Variants in PTPRD observed in about 807,000 individuals in gnomAD.
The protein encoded by PTPRD is protein tyrosine phosphatase receptor type D.
In PTPRD, 34 loss-of-function variants were observed where a neutral mutation model predicts 214.5. That is an observed-to-expected ratio of 0.16 (90% CI 0.12 to 0.21). The LOEUF (loss-of-function observed/expected upper bound fraction) is 0.21, where lower values mean the gene tolerates loss of function less well. PTPRD is among the 10% of genes least tolerant of loss of function. The pLI, the probability that PTPRD is intolerant of heterozygous loss-of-function variation, is 1.00. For missense variants in PTPRD, 2,545 were observed against 2,398.7 expected (o/e 1.06, Z -1.27); for synonymous variants, 1,128 against 845.7 (o/e 1.33, Z -5.79).
chr9:8,712,406 T>C (rs888729900), intron 12 of PTPRD, among the ~76,000 whole-genome samples: 15 of 152,132 alleles, frequency 9.9e-5, no homozygotes, highest in African/African-American at 3.4e-4. Flanking sequence ...TGAAAGGTTT[T>C]GTAAAAACTT....
intron 8 of PTPRD, among the ~76,000 whole-genome samples, chr9:9,432,047 TATAATA>T (rs373767588): frequency 0.11 from 15,094 of 138,244 alleles, 846 homozygotes; most frequent in African/African-American, 0.15. Context: ...GAACTTAAAG[TATAATA>T]ATAATAATAA....
chr9:9,620,999 G>A (rs1490249614), intron 7 of PTPRD, among the ~76,000 whole-genome samples: 4 of 152,166 alleles, frequency 2.6e-5, no homozygotes, highest in South Asian at 2.1e-4. Context: ...AGTGTTTGAT[G>A]TAAGACCCAA....
Position 8,346,205 on chromosome 9 carries a change from C to G in PTPRD, c.4662-4227G>C, listed in dbSNP as rs1321725154. 3.3e-5 allele frequency among the ~76,000 whole-genome samples: 5 copies of G among 151,792 alleles called. No homozygotes were observed. In the East Asian group the frequency reaches 9.7e-4, roughly 29 times the overall value. On this transcript the variant is annotated intron_variant, in intron 39 of 45. Transcript: ENST00000381196. ...AATAAATTATAAATTGTTATGTATT[C>G]AAACTCCACGATTATCTTCAACTCC...
At chr9:9,856,048 T>C (rs117978721) in intron 5 of PTPRD, among the ~76,000 whole-genome samples, 12 of 152,302 alleles carry the variant, frequency 7.9e-5, no homozygotes, top group Non-Finnish European at 1.5e-4. Context: ...GGGGATTTTA[T>C]TGCTGATGAA....
At chr9:9,246,554 C>A (rs575895680) in intron 9 of PTPRD, among the ~76,000 whole-genome samples, 1 of 152,166 alleles carries the variant, frequency 6.6e-6, no homozygotes, top group South Asian at 2.1e-4. Flanking sequence ...ACTGGCTATC[C>A]CCCAGACTCA....
At chr9:9,810,536 TG>T (rs533313794) in intron 5 of PTPRD, among the ~76,000 whole-genome samples, 3 of 151,716 alleles carry the variant, frequency 2.0e-5, no homozygotes, top group African/African-American at 7.3e-5. Context: ...CAACAAAGAC[TG>T]GATGACAGCA....
At chr9:9,868,958 T>C (rs1464809903) in intron 5 of PTPRD, among the ~76,000 whole-genome samples, 2 of 151,988 alleles carry the variant, frequency 1.3e-5, no homozygotes, top group African/African-American at 4.8e-5. Context: ...TATTTGCAAA[T>C]ATACAAGGAT....
intron 6 of PTPRD, among the ~76,000 whole-genome samples, chr9:9,734,931 T>C (rs1310897743): frequency 6.6e-6 from 1 of 152,094 alleles, no homozygotes; most frequent in African/African-American, 2.4e-5. Flanking sequence ...AATTTAATGT[T>C]TTTATGGGAG....
At chr9:9,437,242 A>G (rs1191146253) in intron 8 of PTPRD, among the ~76,000 whole-genome samples, 1 of 152,168 alleles carries the variant, frequency 6.6e-6, no homozygotes, top group Non-Finnish European at 1.5e-5. Flanking sequence ...ATAACTAAAG[A>G]TGGCTCTTTG....
intron 9 of PTPRD, among the ~76,000 whole-genome samples, chr9:9,375,875 G>A (rs1056214272): frequency 1.1e-4 from 16 of 152,106 alleles, no homozygotes; most frequent in Non-Finnish European, 2.1e-4. Flanking sequence ...GATGATGGTT[G>A]CACAGTGTTA....
intron 5 of PTPRD, among the ~76,000 whole-genome samples, chr9:9,892,730 T>C (rs2073780881): frequency 6.8e-6 from 1 of 147,952 alleles, no homozygotes; most frequent in South Asian, 2.1e-4. Context: ...TAGGAGCCCA[T>C]TATAATAACG....
rs1425788544 is a variant in PTPRD at position 10,340,362 on chromosome 9, A to T, written c.-545+601T>A. ...CAGGGTCAACCCAAGTGGATCTGTC[A>T]CGATTTAGTTTTCTCTTAGCACCTT... On this transcript the variant is annotated intron_variant, in intron 3 of 45. Coordinates refer to ENST00000381196, the MANE Select transcript of PTPRD (RefSeq NM_002839.4). Among the ~76,000 whole-genome samples, 4 of 151,892 alleles carry T rather than the reference A, an allele frequency of 2.6e-5. No individual in the cohort carries two copies. In the East Asian group the frequency reaches 7.8e-4, roughly 29 times the overall value.
At position 9,787,209 on chromosome 9, in the gene PTPRD, A is replaced by C. The variant is rs528143521; in HGVS notation, c.-367-20358T>G. 2.0e-5 allele frequency among the ~76,000 whole-genome samples: 3 copies of C among 152,078 alleles called. No individual in the cohort carries two copies. The South Asian group carries it at 6.2e-4, about 32-fold the overall frequency. ...TTTCTCATTTAACTAGATTTTATAA[A>C]ATATTTCATTAAAAAAAAAAGAACA... On this transcript the variant is annotated intron_variant, in intron 5 of 45. Coordinates refer to ENST00000381196, the MANE Select transcript of PTPRD (RefSeq NM_002839.4).
chr9:9,159,706 C>T (rs573536536), intron 10 of PTPRD, among the ~76,000 whole-genome samples: 11 of 151,972 alleles, frequency 7.2e-5, no homozygotes, highest in African/African-American at 1.7e-4. Context: ...AAAAAACCTC[C>T]GAAATCCTTA....
chr9:8,932,704 A>T (rs7033296), intron 11 of PTPRD, among the ~76,000 whole-genome samples: 118,479 of 152,050 alleles, frequency 0.78, 46,641 homozygotes, highest in East Asian at 0.92. Flanking sequence ...ACCTCAGTAA[A>T]GGTGGACCCC....
At chr9:9,028,285 T>C (rs324496) in intron 10 of PTPRD, among the ~76,000 whole-genome samples, 69,180 of 151,810 alleles carry the variant, frequency 0.46, 16,044 homozygotes, top group Non-Finnish European at 0.49. Context: ...CGTAATACTA[T>C]TATGCTCACC....
chr9:9,105,216 C>G (rs1048582075), intron 10 of PTPRD, among the ~76,000 whole-genome samples: 1 of 152,264 alleles, frequency 6.6e-6, no homozygotes, highest in Non-Finnish European at 1.5e-5. Context: ...TCAAGGTCAT[C>G]CAGCTCTTGA....
intron 2 of PTPRD, among the ~76,000 whole-genome samples, chr9:10,450,775 A>T (rs1227505966): frequency 6.6e-6 from 1 of 152,022 alleles, no homozygotes; most frequent in African/African-American, 2.4e-5. Flanking sequence ...AAGACTTAAA[A>T]GATTTTAGTG....
At chr9:9,856,354 G>C (rs553349406) in intron 5 of PTPRD, among the ~76,000 whole-genome samples, 1 of 152,126 alleles carries the variant, frequency 6.6e-6, no homozygotes, top group Non-Finnish European at 1.5e-5. Flanking sequence ...CTCACTTTGA[G>C]CCACGGTCTC....
Sources: allele counts gnomAD v4.1 joint callset (sites outside exome capture counted in the v4.1 genomes callset), GRCh38; gene constraint gnomAD v4.1.1; transcripts MANE v1.5; gene names NCBI Gene and HGNC (gene_info 2026-07-23, HGNC 2026-07-21).